Variants in USP34 observed in about 807,000 individuals in gnomAD.
The protein encoded by USP34 is ubiquitin specific peptidase 34.
A neutral mutation model predicts 460.3 loss-of-function variants in USP34; 70 were observed. The observed-to-expected ratio is 0.15, with a 90% CI of 0.13 to 0.19. The LOEUF is 0.19. USP34 is among the 10% of genes least tolerant of loss of function. The pLI is 1.00. For missense variants in USP34, 3,985 were observed against 4,236.2 expected, an observed-to-expected ratio of 0.94 and a Z score of 1.65; for synonymous variants, 1,647 against 1,405.3, an observed-to-expected ratio of 1.17 and a Z score of -3.85.
chr2:61,341,999 A>G (rs12617371), intron 16 of USP34, among the ~76,000 whole-genome samples: 80,882 of 151,612 alleles, frequency 0.53, 21,862 homozygotes, highest in South Asian at 0.73. Flanking sequence ...CTGACCTCAG[A>G]TGATCCACCT....
At position 61,204,149 on chromosome 2, in the gene USP34, T is replaced by C. The variant is rs201019484; in HGVS notation, c.9384+107A>G. 211 of 1,412,482 alleles carry C rather than the reference T, an allele frequency of 1.5e-4. 2 individuals are homozygous for C. In the East Asian group the frequency reaches 3.4e-3, roughly 23 times the overall value. The allele number at this position is 1,412,482 out of a possible 1,614,324, so 87.5% of individuals were successfully genotyped here. A position where few individuals can be genotyped will look rare whatever the true frequency, so the allele number is the denominator to read the frequency against. Reference sequence around the variant, plus strand: ...CCAAATGAATCTAATCTTCTTAGGATCCACAAAATTGGTCACTTAAGTCTA... The same window carrying C: ...CCAAATGAATCTAATCTTCTTAGGACCCACAAAATTGGTCACTTAAGTCTA... On this transcript the variant is annotated intron_variant, in intron 74 of 79. Transcript: ENST00000398571.
chr2:61,370,355 G>GTAC lies in USP34; in HGVS notation c.1214_1216dup (p.Ser405dup). ...AGCCCAAATACAGTCAATATGTTGAGTACTCAGTCGCCCTTCTGCTGCCAA... is the reference window on the plus strand; with the variant it reads ...AGCCCAAATACAGTCAATATGTTGAGTACTACTCAGTCGCCCTTCTGCTGCCAA... On this transcript the variant is annotated inframe_insertion, in exon 10 of 80. Transcript: ENST00000398571. The GTAC allele has an allele frequency of 6.2e-7, 1 of 1,614,052 alleles. No individual in the cohort carries two copies. The highest frequency in any genetic ancestry group is 8.5e-7 in the Non-Finnish European group (1 of 1,179,958).
At chr2:61,395,941 G>A (rs1211736272) in intron 3 of USP34, among the ~76,000 whole-genome samples, 1 of 151,284 alleles carries the variant, frequency 6.6e-6, no homozygotes, top group Non-Finnish European at 1.5e-5. Flanking sequence ...GTGGGCACTT[G>A]TAATACTCAG....
intron 71 of USP34, 84 bp downstream of exon 71, chr2:61,206,676 A>G (rs1687129110): frequency 1.3e-6 from 2 of 1,518,384 alleles, no homozygotes; most frequent in African/African-American, 1.4e-5. Context: ...GATAAAAACA[A>G]TTTCTCTGGG....
chr2:61,230,236 A>G (rs1687852786), intron 58 of USP34, among the ~76,000 whole-genome samples: 1 of 152,214 alleles, frequency 6.6e-6, no homozygotes, highest in Non-Finnish European at 1.5e-5. Flanking sequence ...CACTATAAAA[A>G]AACAGTTTAC....
In USP34 at chr2:61,416,700, T is replaced by C. The variant is rs74630241; in HGVS notation, c.131+4046A>G. 7.7e-4 allele frequency among the ~76,000 whole-genome samples: 117 copies of C among 152,308 alleles called. 1 individual carries two copies. In the East Asian group the frequency reaches 0.021, roughly 27 times the overall value. ...AGTCTTGAATTTATTCTCCTATTCC[T>C]TTCTCTTCCCATTTTCTGAGTTAGT... On this transcript the variant is annotated intron_variant, in intron 2 of 79. Transcript: ENST00000398571.
chr2:61,317,835 A>T, intron 22 of USP34, 68 bp from the exon 23 acceptor site: 2 of 1,190,946 alleles, frequency 1.7e-6, no homozygotes, highest in Non-Finnish European at 2.4e-6. Flanking sequence ...ATTAAATTTA[A>T]ATAAACTTTA....
intron 1 of USP34, among the ~76,000 whole-genome samples, chr2:61,446,269 A>C (rs1396766593): frequency 6.6e-6 from 1 of 152,174 alleles, no homozygotes; most frequent in Admixed American, 6.5e-5. Flanking sequence ...GTCTAGCTTA[A>C]TAGAAGATGG....
intron 41 of USP34, among the ~76,000 whole-genome samples, chr2:61,276,780 CAAG>C (rs1392164085): frequency 2.0e-5 from 3 of 152,212 alleles, no homozygotes; most frequent in Non-Finnish European, 2.9e-5. Context: ...AGAAATAGCA[CAAG>C]AAGGAGTTTT....
At chr2:61,377,365 G>C (rs894825328) in intron 8 of USP34, among the ~76,000 whole-genome samples, 10 of 152,010 alleles carry the variant, frequency 6.6e-5, no homozygotes, top group Admixed American at 4.6e-4. Context: ...TACTGTTTGA[G>C]ATTTTTAAAA....
chr2:61,221,358 G>A (rs11889205), intron 66 of USP34, 144 bp downstream of exon 66: 91,613 of 670,896 alleles, frequency 0.14, 8,059 homozygotes, highest in African/African-American at 0.33. Flanking sequence ...AGACTAGCTA[G>A]GAACTCTTTT....
chr2:61,458,665 T>C (rs938423059), intron 1 of USP34, among the ~76,000 whole-genome samples: 1 of 145,252 alleles, frequency 6.9e-6, no homozygotes, highest in Non-Finnish European at 1.5e-5. Context: ...GGAATGAAGC[T>C]AGCAGAGGCT....
Position 61,229,645 on chromosome 2 carries a change from GA to G in USP34, c.7114-13del. The G allele has an allele frequency of 6.2e-7, 1 of 1,606,764 alleles. No homozygotes were observed. Among genetic ancestry groups the G allele is most frequent in the South Asian group, 1.1e-5 (1 of 89,698 alleles). On this transcript the variant is annotated splice_polypyrimidine_tract_variant and intron_variant, in intron 58 of 79. Transcript: ENST00000398571. ...AAACGCTGAAACATCTGTGAAGAAAGAAAAAGATCAAACAAGAGCCAACTCA... is the reference window on the plus strand; with the variant it reads ...AAACGCTGAAACATCTGTGAAGAAAGAAAAGATCAAACAAGAGCCAACTCA...
intron 30 of USP34, among the ~76,000 whole-genome samples, 188 bp from the exon 31 acceptor site, chr2:61,295,478 A>C (rs768343258): frequency 9.2e-5 from 14 of 152,202 alleles, no homozygotes; most frequent in Non-Finnish European, 1.6e-4. Flanking sequence ...TATGCATTAA[A>C]TTTTCTGAAA....
At chr2:61,421,460 A>G (rs191436520) in intron 1 of USP34, among the ~76,000 whole-genome samples, 4 of 152,336 alleles carry the variant, frequency 2.6e-5, no homozygotes, top group African/African-American at 9.6e-5. Context: ...AACCATTCTT[A>G]TAATTCCATC....
chr2:61,288,584 T>G (rs1689758763), intron 34 of USP34, 93 bp downstream of exon 34: 2 of 1,321,642 alleles, frequency 1.5e-6, no homozygotes, highest in Admixed American at 3.6e-5. Flanking sequence ...TAAGTCACAG[T>G]AATCTAGAAT....
At chr2:61,417,093 CT>C in intron 2 of USP34, 1 of 1,463,256 alleles carries the variant, frequency 6.8e-7, no homozygotes, top group East Asian at 2.3e-5. Context: ...TCACATGCGC[CT>C]TGTTCTGCAG....
chr2:61,419,769 G>C (rs972294981), intron 2 of USP34, among the ~76,000 whole-genome samples: 1 of 152,052 alleles, frequency 6.6e-6, no homozygotes, highest in African/African-American at 2.4e-5. Context: ...AATCATTGTG[G>C]ACTATTAAAG....
intron 67 of USP34, among the ~76,000 whole-genome samples, chr2:61,219,574 G>C (rs1255016394): frequency 6.6e-6 from 1 of 151,902 alleles, no homozygotes; most frequent in Non-Finnish European, 1.5e-5. Flanking sequence ...AGGAGGCTGA[G>C]GTGAAAGAAT....
Sources: allele counts gnomAD v4.1 joint callset (sites outside exome capture counted in the v4.1 genomes callset), GRCh38; gene constraint gnomAD v4.1.1; transcripts MANE v1.5; gene names NCBI Gene and HGNC (gene_info 2026-07-23, HGNC 2026-07-21).